Variants in VEZT observed in about 807,000 individuals in gnomAD.
VEZT encodes the protein vezatin.
In VEZT, 39 loss-of-function variants were observed where a neutral mutation model predicts 79.9. The ratio of observed to expected loss-of-function variants is 0.49; its 90% confidence interval spans 0.38 to 0.64. The LOEUF (loss-of-function observed/expected upper bound fraction) is 0.64, where lower values mean the gene tolerates loss of function less well. VEZT is among the 30% of genes least tolerant of loss of function. The pLI is 0.00. For missense variants in VEZT, 837 were observed against 893.1 expected (o/e 0.94, Z 0.80); for synonymous variants, 325 against 327.6 (o/e 0.99, Z 0.09).
intron 9 of VEZT, 123 bp downstream of exon 9, chr12:95,287,980 T>C (rs1041625342): frequency 1.3e-6 from 1 of 758,342 alleles, no homozygotes; most frequent in Non-Finnish European, 1.9e-6. Context: ...CTTAGTTTAC[T>C]TTTTTTTAAT....
rs1474279967 is a variant in VEZT at position 95,266,619 on chromosome 12, A to G, written c.697A>G (p.Arg233Gly). 1.2e-6 allele frequency: 2 copies of G among 1,610,538 alleles called. No individual in the cohort carries two copies. The highest frequency in any genetic ancestry group is 2.2e-5 in the South Asian group (2 of 90,916). The change falls in exon 5 of 12, where the codon AGA (arginine) becomes GGA (glycine). Residue 233 changes from arginine to glycine, a missense_variant. Coordinates refer to ENST00000436874, the MANE Select transcript of VEZT (RefSeq NM_017599.4). Reference protein sequence around the residue: ...RLIQETEVISRGFTLVSAACP... With the variant: ...RLIQETEVISGGFTLVSAACP... Reference sequence around the variant, plus strand: ...CATTCAAGAAACCGAAGTGATTTCCAGAGGATTTACACTGTGAGTTCATTT... The same window carrying G: ...CATTCAAGAAACCGAAGTGATTTCCGGAGGATTTACACTGTGAGTTCATTT...
intron 7 of VEZT, among the ~76,000 whole-genome samples, chr12:95,280,778 C>G (rs1465329282): frequency 6.6e-6 from 1 of 152,004 alleles, no homozygotes; most frequent in Admixed American, 6.5e-5. Context: ...CATGGGTGCT[C>G]AAGAAATCAT....
At chr12:95,289,574 G>A (rs1205003475) in intron 9 of VEZT, among the ~76,000 whole-genome samples, 2 of 151,974 alleles carry the variant, frequency 1.3e-5, no homozygotes, top group Non-Finnish European at 2.9e-5. Flanking sequence ...ATTAAGATAA[G>A]CCATTTTCTA....
chr12:95,219,343 T>G (rs146866420), intron 1 of VEZT, among the ~76,000 whole-genome samples: 4 of 152,352 alleles, frequency 2.6e-5, no homozygotes, highest in African/African-American at 7.2e-5. Flanking sequence ...AGATGGTAAC[T>G]ATTAACAGTA....
chr12:95,242,263 A>C (rs1442288487), intron 1 of VEZT: 1 of 152,244 alleles, frequency 6.6e-6, no homozygotes, highest in East Asian at 1.9e-4. Flanking sequence ...TGAGAGGCCA[A>C]GGTGGGAGGA....
At chr12:95,275,501 C>A (rs952899693) in intron 7 of VEZT, among the ~76,000 whole-genome samples, 1 of 151,130 alleles carries the variant, frequency 6.6e-6, no homozygotes, top group Non-Finnish European at 1.5e-5. Flanking sequence ...CAGGAGAACC[C>A]GGAAGGCAGA....
intron 7 of VEZT, among the ~76,000 whole-genome samples, chr12:95,279,833 A>AGTAATCCTCCCAC (rs150538811): frequency 0.15 from 17,163 of 115,486 alleles, 1,263 homozygotes; most frequent in East Asian, 0.21. Context: ...ACTGGCCTCA[A>AGTAATCCTCCCAC]GTGAGCCTCC....
At position 95,227,880 on chromosome 12, in the gene VEZT, A is replaced by T. The variant is rs368289438; in HGVS notation, c.36+9994A>T. On this transcript the variant is annotated intron_variant, in intron 1 of 11. Coordinates refer to ENST00000436874, the MANE Select transcript of VEZT (RefSeq NM_017599.4). Reference sequence around the variant, plus strand: ...ACTAATTTTTCTGCCTCTTTGCATCATTTGAAGTTCATTTAAACCATTCCT... The same window carrying T: ...ACTAATTTTTCTGCCTCTTTGCATCTTTTGAAGTTCATTTAAACCATTCCT... Among the ~76,000 whole-genome samples, 18 of 152,334 alleles carry T rather than the reference A, an allele frequency of 1.2e-4. No homozygotes were observed. The South Asian group carries it at 1.4e-3, about 12-fold the overall frequency.
At chr12:95,267,542 T>C (rs963375661) in intron 5 of VEZT, among the ~76,000 whole-genome samples, 1 of 152,188 alleles carries the variant, frequency 6.6e-6, no homozygotes, top group African/African-American at 2.4e-5. Context: ...CTGGTAGCCA[T>C]CGCATCCTTC....
chr12:95,274,995 T>C (rs1354210786), intron 7 of VEZT, 106 bp downstream of exon 7: 1 of 1,347,942 alleles, frequency 7.4e-7, no homozygotes, highest in African/African-American at 1.5e-5. Context: ...CATTGTTTGC[T>C]GCATACCATC....
intron 2 of VEZT, chr12:95,256,589 A>G: frequency 7.8e-7 from 1 of 1,289,854 alleles, no homozygotes; most frequent in Non-Finnish European, 1.0e-6. Context: ...TATAAACTGC[A>G]CTTACTGGCA....
chr12:95,236,373 G>C, intron 1 of VEZT, among the ~76,000 whole-genome samples: 1 of 152,198 alleles, frequency 6.6e-6, no homozygotes, highest in Admixed American at 6.5e-5. Flanking sequence ...GATGGCAGCA[G>C]TACAGTCCAG....
At chr12:95,253,189 A>C (rs745511200) in intron 2 of VEZT, among the ~76,000 whole-genome samples, 3 of 152,234 alleles carry the variant, frequency 2.0e-5, no homozygotes, top group Non-Finnish European at 4.4e-5. Context: ...AAATTTCCTC[A>C]TTCCTTGAGC....
chr12:95,249,815 G>A (rs1387691866), intron 1 of VEZT, among the ~76,000 whole-genome samples: 1 of 152,116 alleles, frequency 6.6e-6, no homozygotes, highest in Admixed American at 6.5e-5. Flanking sequence ...ACATGGAAGG[G>A]ACTGTTTCTT....
Position 95,300,795 on chromosome 12 carries a change from G to A in VEZT, c.*122G>A, listed in dbSNP as rs2140012448. The A allele has an allele frequency of 2.3e-6, 3 of 1,306,296 alleles. No individual in the cohort carries two copies. The highest frequency in any genetic ancestry group is 2.1e-5 in the South Asian group (1 of 47,838). The allele number at this position is 1,306,296 out of a possible 1,614,324, so 80.9% of individuals were successfully genotyped here. On this transcript the variant is annotated 3_prime_UTR_variant, in exon 12 of 12. Coordinates refer to ENST00000436874, the MANE Select transcript of VEZT (RefSeq NM_017599.4). The stretch of plus-strand genomic sequence containing the variant: ...TATAAAGCTAAGATGTGGATTTACA[G>A]GAAGAACCCTGGTTTGAATAACTGA...
At chr12:95,235,855 C>G (rs1228532676) in intron 1 of VEZT, among the ~76,000 whole-genome samples, 7 of 151,816 alleles carry the variant, frequency 4.6e-5, no homozygotes, top group Non-Finnish European at 1.0e-4. Context: ...CCTCACATCC[C>G]AGACGGGGTG....
intron 1 of VEZT, among the ~76,000 whole-genome samples, chr12:95,221,006 T>C (rs1476101667): frequency 6.6e-6 from 1 of 152,208 alleles, no homozygotes; most frequent in African/African-American, 2.4e-5. Context: ...CTTGCTAATT[T>C]TAGTGTTTTT....
chr12:95,235,650 CG>C (rs1314319599), intron 1 of VEZT, among the ~76,000 whole-genome samples: 2 of 141,538 alleles, frequency 1.4e-5, no homozygotes, highest in Admixed American at 6.9e-5. Context: ...CCGGATGGGG[CG>C]GCTGGCCGGG....
chr12:95,232,678 G>A (rs981332199), intron 1 of VEZT, among the ~76,000 whole-genome samples: 1 of 152,144 alleles, frequency 6.6e-6, no homozygotes. Context: ...ACAATAGTTA[G>A]CATTTTGCCA....
Sources: allele counts gnomAD v4.1 joint callset (sites outside exome capture counted in the v4.1 genomes callset), GRCh38; gene constraint gnomAD v4.1.1; transcripts MANE v1.5; gene names NCBI Gene and HGNC (gene_info 2026-07-23, HGNC 2026-07-21).